ZNG1B: variants seen among roughly 807,000 people sequenced by gnomAD.
The protein encoded by ZNG1B is Zn regulated GTPase metalloprotein activator 1B, also known as zinc-regulated GTPase metalloprotein activator 1B.
the ZNG1B span, among the ~76,000 whole-genome samples, chr2:113,471,490 T>C: frequency 2.6e-5 from 4 of 151,536 alleles, no homozygotes; most frequent in African/African-American, 7.3e-5. Flanking sequence ...TATTTATTTA[T>C]TATTATTATA....
At chr2:113,470,956 T>G in the ZNG1B span, 5 of 1,581,524 alleles carry the variant, frequency 3.2e-6, no homozygotes, top group South Asian at 4.6e-5. Flanking sequence ...TTTTTAAGAG[T>G]CAGAGTTTTT....
the ZNG1B span, among the ~76,000 whole-genome samples, chr2:113,486,024 A>C: frequency 6.7e-3 from 934 of 138,786 alleles, 5 homozygotes; most frequent in African/African-American, 0.025. Flanking sequence ...TGGAAAAAAA[A>C]AGTCTGAAAT....
the ZNG1B span, among the ~76,000 whole-genome samples, chr2:113,472,776 G>A: frequency 3.3e-5 from 5 of 151,878 alleles, no homozygotes; most frequent in Admixed American, 1.3e-4. Context: ...TCTCAGGTTT[G>A]TCAAAGATCA....
the ZNG1B span, among the ~76,000 whole-genome samples, chr2:113,456,393 T>C: frequency 3.9e-4 from 59 of 151,698 alleles, 1 homozygote; most frequent in Middle Eastern, 6.8e-3. Flanking sequence ...AATCTACCTC[T>C]TCCATAAATT....
chr2:113,445,174 T>G, the ZNG1B span: 1 of 1,394,788 alleles, frequency 7.2e-7, no homozygotes, highest in Non-Finnish European at 9.7e-7. Context: ...CCAAAAACTT[T>G]TTTTGGTTTA....
the ZNG1B span, among the ~76,000 whole-genome samples, chr2:113,489,798 T>A: frequency 4.0e-5 from 6 of 148,262 alleles, no homozygotes; most frequent in Non-Finnish European, 8.9e-5. Flanking sequence ...AAAGGCCTTG[T>A]CCAACAGGAA....
the ZNG1B span, among the ~76,000 whole-genome samples, chr2:113,475,621 C>T: frequency 6.6e-6 from 1 of 151,972 alleles, no homozygotes; most frequent in East Asian, 1.9e-4. Flanking sequence ...TCTGCAGTGG[C>T]TGGTACCGGT....
At chr2:113,453,169 C>A in the ZNG1B span, 1 of 1,592,750 alleles carries the variant, frequency 6.3e-7, no homozygotes, top group East Asian at 2.2e-5. Flanking sequence ...TGGGTTGATG[C>A]TGAATTAGGG....
chr2:113,462,320 A>G, the ZNG1B span: 1 of 1,362,424 alleles, frequency 7.3e-7, no homozygotes, highest in Non-Finnish European at 1.0e-6. Flanking sequence ...TTTATTTTTA[A>G]TTTGTTAGCA....
the ZNG1B span, among the ~76,000 whole-genome samples, chr2:113,461,572 C>A: frequency 6.9e-6 from 1 of 145,246 alleles, no homozygotes; most frequent in South Asian, 2.2e-4. Context: ...AGCATAAGAC[C>A]CTGAATAATT....
the ZNG1B span, chr2:113,455,706 A>T: frequency 3.5e-5 from 28 of 804,372 alleles, 1 homozygote; most frequent in African/African-American, 4.7e-4. Context: ...ATCCAACCTC[A>T]TATCTGAACG....
the ZNG1B span, among the ~76,000 whole-genome samples, chr2:113,477,061 T>C: frequency 2.0e-5 from 3 of 152,234 alleles, no homozygotes; most frequent in Admixed American, 6.5e-5. Flanking sequence ...TGGAGCTTCC[T>C]GGCTGCTTTG....
At chr2:113,473,109 T>A in the ZNG1B span, among the ~76,000 whole-genome samples, 1 of 150,322 alleles carries the variant, frequency 6.7e-6, no homozygotes, top group Non-Finnish European at 1.5e-5. Flanking sequence ...TGATTCTTCC[T>A]ACCCATGAGC....
chr2:113,439,874 ATT>A, the ZNG1B span, among the ~76,000 whole-genome samples: 97 of 68,852 alleles, frequency 1.4e-3, no homozygotes, highest in African/African-American at 5.2e-3. Flanking sequence ...CCTTCCCTTA[ATT>A]TTTTTTTTTT....
chr2:113,440,985 GAT>G, the ZNG1B span, among the ~76,000 whole-genome samples: 1 of 146,384 alleles, frequency 6.8e-6, no homozygotes, highest in Non-Finnish European at 1.5e-5. Context: ...AACTTTTATA[GAT>G]TGTTTAAAGC....
At chr2:113,446,962 A>G in the ZNG1B span, among the ~76,000 whole-genome samples, 54 of 150,618 alleles carry the variant, frequency 3.6e-4, no homozygotes, top group Non-Finnish European at 7.4e-5. Context: ...CTGAATCGGA[A>G]TCTCTAAGGG....
chr2:113,460,386 C>A, the ZNG1B span, among the ~76,000 whole-genome samples: 3 of 152,060 alleles, frequency 2.0e-5, no homozygotes, highest in East Asian at 5.8e-4. Flanking sequence ...TTATGTGAAT[C>A]AAAGGGGTTT....
chr2:113,456,664 T>TA, the ZNG1B span, among the ~76,000 whole-genome samples: 1 of 151,936 alleles, frequency 6.6e-6, no homozygotes, highest in Non-Finnish European at 1.5e-5. Context: ...GCTACCTTGA[T>TA]AAAACCTCTT....
chr2:113,443,366 A>C, the ZNG1B span, among the ~76,000 whole-genome samples: 429 of 151,984 alleles, frequency 2.8e-3, 3 homozygotes, highest in African/African-American at 9.9e-3. Context: ...AAAGAAAAAG[A>C]TAGATAAGGC....
Sources: allele counts gnomAD v4.1 joint callset (sites outside exome capture counted in the v4.1 genomes callset), GRCh38; gene constraint gnomAD v4.1.1; transcripts MANE v1.5; gene names NCBI Gene and HGNC (gene_info 2026-07-23, HGNC 2026-07-21).